The following PLEK2 variants were observed in gnomAD, a reference collection of about 807,000 sequenced individuals.
PLEK2 encodes pleckstrin-2.
In PLEK2, 29 loss-of-function variants were observed where a neutral mutation model predicts 43.8. That is an observed-to-expected ratio of 0.66 (90% confidence interval 0.49 to 0.90). PLEK2 has a LOEUF of 0.90. PLEK2 is among the 40% of genes least tolerant of loss of function. The pLI, the probability that PLEK2 is intolerant of heterozygous loss-of-function variation, is 0.00. For synonymous variants in PLEK2, 162 were observed against 173.2 expected (o/e 0.94, Z 0.51); for missense variants, 398 against 448.1 (o/e 0.89, Z 1.01).
intron 2 of PLEK2, 136 bp downstream of exon 2, chr14:67,397,526 G>A (rs1427822507): frequency 1.0e-5 from 7 of 679,610 alleles, no homozygotes; most frequent in South Asian, 4.7e-5. Context: ...GGTATGTGGC[G>A]GAGCCAGGAT....
chr14:67,388,839 C>T (rs771660614), intron 7 of PLEK2, among the ~76,000 whole-genome samples: 1 of 152,050 alleles, frequency 6.6e-6, no homozygotes, highest in Non-Finnish European at 1.5e-5. Context: ...GCCACCACAC[C>T]TGGCTAATTT....
intron 3 of PLEK2, among the ~76,000 whole-genome samples, chr14:67,394,569 A>C (rs1377862012): frequency 6.6e-6 from 1 of 151,522 alleles, no homozygotes; most frequent in African/African-American, 2.4e-5. Context: ...GACCCATAGG[A>C]GGTGTACAGT....
rs1189274458 is a variant in PLEK2 at position 67,412,132 on chromosome 14, CCCGCGCAGT to C, written c.-82_-74del. On this transcript the variant is annotated 5_prime_UTR_variant, in exon 1 of 9. Coordinates refer to ENST00000216446, the MANE Select transcript of PLEK2 (RefSeq NM_016445.3). ...CTCGCGCTCCTCGGCACCCGCGCAGCCCGCGCAGTCCGCGCCCACGGCGCCCAGGAAGCA... is the reference window on the plus strand; with the variant it reads ...CTCGCGCTCCTCGGCACCCGCGCAGCCCGCGCCCACGGCGCCCAGGAAGCA... 2 of 1,312,872 alleles carry C rather than the reference CCCGCGCAGT, an allele frequency of 1.5e-6. No individual in the cohort carries two copies. The highest frequency in any genetic ancestry group is 2.0e-6 in the Non-Finnish European group (2 of 1,009,446). 81.3% of individuals were successfully genotyped at this position (1,312,872 alleles called of 1,614,324 possible).
intron 7 of PLEK2, among the ~76,000 whole-genome samples, chr14:67,389,860 T>C (rs1252042654): frequency 6.6e-6 from 1 of 152,052 alleles, no homozygotes; most frequent in Admixed American, 6.6e-5. Flanking sequence ...AGGAAGGAGT[T>C]TGAACTCCAT....
chr14:67,393,150 C>T lies in PLEK2; in HGVS notation c.481G>A (p.Gly161Ser), dbSNP rs190280412. Residue 161 changes from glycine (G) to serine (S), a missense_variant and splice_region_variant, in exon 4 of 9, where the codon GGC (glycine) becomes AGC (serine). Coordinates refer to ENST00000216446, the MANE Select transcript of PLEK2 (RefSeq NM_016445.3). ...GCCCGGCCCTGGGGGACAGGCTCAC[C>T]GAGGAAGGTCTTTTTATAGGTGCTT... The part of the protein sequence containing the change: ...QGSTYKKTFL[G>S]SSLVDWLISN... 9.9e-6 allele frequency: 16 copies of T among 1,608,990 alleles called. No individual in the cohort carries two copies. In the African/African-American group the frequency reaches 1.2e-4, roughly 12 times the overall value.
At chr14:67,393,045 G>A in intron 4 of PLEK2, 105 bp downstream of exon 4, 2 of 971,850 alleles carry the variant, frequency 2.1e-6, no homozygotes, top group South Asian at 1.4e-5. Flanking sequence ...CTGTTGCCCA[G>A]CAGGCAGCTC....
At chr14:67,399,953 C>T (rs953053905) in intron 1 of PLEK2, among the ~76,000 whole-genome samples, 2 of 152,160 alleles carry the variant, frequency 1.3e-5, no homozygotes, top group African/African-American at 4.8e-5. Flanking sequence ...AGGTTCTAAC[C>T]AACAGAGGTG....
chr14:67,390,331 A>C (rs1307205745), intron 7 of PLEK2, among the ~76,000 whole-genome samples: 1 of 152,204 alleles, frequency 6.6e-6, no homozygotes, highest in African/African-American at 2.4e-5. Context: ...GGGAAGTGCC[A>C]GTAGGAGTCT....
At chr14:67,407,521 G>A (rs2086087154) in intron 1 of PLEK2, among the ~76,000 whole-genome samples, 2 of 151,822 alleles carry the variant, frequency 1.3e-5, no homozygotes, top group Non-Finnish European at 2.9e-5. Context: ...GCTCACTGCA[G>A]CCTCAAACCC....
In PLEK2 at chr14:67,397,749, C is replaced by T. The variant is rs1356649056; in HGVS notation, c.120G>A (p.Gly40=). The T allele has an allele frequency of 6.2e-7, 1 of 1,613,394 alleles. No homozygotes were observed. Among genetic ancestry groups the T allele is most frequent in the South Asian group, 1.1e-5 (1 of 90,888 alleles). The change falls in exon 2 of 9, where the codon GGG becomes GGA. Residue 40 remains glycine (G), a synonymous_variant. Coordinates refer to ENST00000216446, the MANE Select transcript of PLEK2 (RefSeq NM_016445.3). ...CCTTGGGAGGGGTCACTCTCCGACC[C>T]CCCTCAAGCTTGTAGTACACCAGCG... ...QNTLVYYKLE[G]GRRVTPPKGR...
intron 1 of PLEK2, 97 bp from the exon 2 acceptor site, chr14:67,397,923 C>A (rs1449772297): frequency 7.4e-6 from 7 of 941,876 alleles, no homozygotes; most frequent in Non-Finnish European, 1.1e-5. Flanking sequence ...CCAGACTGTG[C>A]TGTGGAAATC....
In PLEK2 at chr14:67,395,637, C is replaced by T. The variant is rs537005913; in HGVS notation, c.208-54G>A. 1.6e-5 allele frequency: 24 copies of T among 1,547,180 alleles called. No homozygotes were observed. In the African/African-American group the frequency reaches 1.9e-4, roughly 12 times the overall value. ...GCACTCAGGCAGAGCAAGAGGACGC[C>T]GGGCAGCAAAAATGACGGGGCCCCG... On this transcript the variant is annotated intron_variant, in intron 2 of 8. Coordinates refer to ENST00000216446, the MANE Select transcript of PLEK2 (RefSeq NM_016445.3).
intron 1 of PLEK2, 31 bp from the exon 2 acceptor site, chr14:67,397,857 G>C (rs1476012266): frequency 9.5e-6 from 15 of 1,576,066 alleles, no homozygotes; most frequent in Non-Finnish European, 1.2e-5. Flanking sequence ...CCTGAGGTGA[G>C]GCGGTCAGTG....
chr14:67,389,024 A>G (rs1029536810), intron 7 of PLEK2, among the ~76,000 whole-genome samples: 1 of 151,282 alleles, frequency 6.6e-6, no homozygotes, highest in Non-Finnish European at 1.5e-5. Context: ...CACATAGGAC[A>G]TCGTTACACA....
chr14:67,403,977 T>C, intron 1 of PLEK2, among the ~76,000 whole-genome samples: 1 of 152,150 alleles, frequency 6.6e-6, no homozygotes. Flanking sequence ...CACGTGAGCC[T>C]GGGAGGTCAA....
chr14:67,395,493 TGATCTC>T lies in PLEK2; in HGVS notation c.292_297del (p.Glu98_Ile99del). 1 of 1,614,010 alleles carries T rather than the reference TGATCTC, an allele frequency of 6.2e-7. No individual in the cohort carries two copies. The highest frequency in any genetic ancestry group is 8.5e-7 in the Non-Finnish European group (1 of 1,179,938). ...GGCTGCCCTGCATGAATAGCCCCGG[TGATCTC>T]AAAGGCCCAGGCATCCCGCTCCTCT... On this transcript the variant is annotated inframe_deletion, in exon 3 of 9. Transcript: ENST00000216446.
In PLEK2 at chr14:67,406,311, ATAAT is replaced by A. The variant is rs551578991; in HGVS notation, c.42+5703_42+5706del. Among the ~76,000 whole-genome samples, 24 of 152,226 alleles carry A rather than the reference ATAAT, an allele frequency of 1.6e-4. 1 individual carries two copies. In the South Asian group the frequency reaches 5.0e-3, roughly 32 times the overall value. ...GGGATAATTTGTTATACAACAATCA[ATAAT>A]TAATATAGGGCATGATACAAACCCC... On this transcript the variant is annotated intron_variant, in intron 1 of 8. Transcript: ENST00000216446.
intron 1 of PLEK2, among the ~76,000 whole-genome samples, chr14:67,402,537 T>A (rs2086055598): frequency 6.6e-6 from 1 of 152,188 alleles, no homozygotes; most frequent in Non-Finnish European, 1.5e-5. Context: ...TCTAATTAAT[T>A]TTTTTGTACC....
chr14:67,409,952 G>C (rs1390215438), intron 1 of PLEK2, among the ~76,000 whole-genome samples: 1 of 152,132 alleles, frequency 6.6e-6, no homozygotes, highest in Non-Finnish European at 1.5e-5. Context: ...CTATCCTTCA[G>C]CCTGCAGGGA....
Sources: allele counts gnomAD v4.1 joint callset (sites outside exome capture counted in the v4.1 genomes callset), GRCh38; gene constraint gnomAD v4.1.1; transcripts MANE v1.5; gene names NCBI Gene and HGNC (gene_info 2026-07-23, HGNC 2026-07-21).